The following CNTNAP2 variants were observed in gnomAD, a reference collection of about 807,000 sequenced individuals.
CNTNAP2 encodes contactin associated protein 2.
In CNTNAP2, 98 loss-of-function variants were observed where a neutral mutation model predicts 155.2. That is an observed-to-expected ratio of 0.63 (90% CI 0.54 to 0.75). The LOEUF (loss-of-function observed/expected upper bound fraction) is 0.75, where lower values mean the gene tolerates loss of function less well. CNTNAP2 is among the 30% of genes least tolerant of loss of function. CNTNAP2 has a pLI of 0.00. For synonymous variants in CNTNAP2, 651 were observed against 631.2 expected (o/e 1.03, Z -0.47); for missense variants, 1,727 against 1,688.1 (o/e 1.02, Z -0.40).
chr7:147,315,666 G>C (rs1795215830), intron 9 of CNTNAP2, among the ~76,000 whole-genome samples: 1 of 151,812 alleles, frequency 6.6e-6, no homozygotes, highest in Non-Finnish European at 1.5e-5. Flanking sequence ...ATTTTTAGTA[G>C]AGATGGCGTT....
intron 17 of CNTNAP2, among the ~76,000 whole-genome samples, chr7:148,159,068 G>A (rs1018213809): frequency 1.1e-4 from 17 of 152,270 alleles, no homozygotes; most frequent in South Asian, 8.3e-4. Flanking sequence ...AAACAGGGTC[G>A]TTTCCCATCA....
intron 1 of CNTNAP2, among the ~76,000 whole-genome samples, chr7:146,358,069 C>T (rs1014038693): frequency 1.3e-5 from 2 of 151,698 alleles, no homozygotes; most frequent in Non-Finnish European, 2.9e-5. Flanking sequence ...GAGCCTCGCT[C>T]GCTTGCCCAG....
chr7:148,134,929 C>CT (rs952807609), intron 16 of CNTNAP2, among the ~76,000 whole-genome samples: 25 of 151,216 alleles, frequency 1.7e-4, no homozygotes, highest in South Asian at 1.3e-3. Flanking sequence ...TTTATATATA[C>CT]TTTTTTTTTA....
intron 13 of CNTNAP2, among the ~76,000 whole-genome samples, chr7:147,765,739 A>G (rs1797373002): frequency 6.6e-6 from 1 of 152,224 alleles, no homozygotes; most frequent in Non-Finnish European, 1.5e-5. Flanking sequence ...GTGTTTACCC[A>G]AAAGAAATGA....
intron 15 of CNTNAP2, among the ~76,000 whole-genome samples, chr7:147,979,195 C>A (rs13229141): frequency 1.3e-5 from 2 of 151,956 alleles, no homozygotes; most frequent in African/African-American, 4.8e-5. Context: ...TCTCTACTTA[C>A]ATTGAAAATG....
chr7:148,313,430 T>G (rs1337455479), intron 21 of CNTNAP2, among the ~76,000 whole-genome samples: 1 of 151,270 alleles, frequency 6.6e-6, no homozygotes, highest in African/African-American at 2.4e-5. Context: ...TTCAGTGGGG[T>G]CCCGCACAGA....
chr7:147,029,483 G>A (rs1434555632), intron 3 of CNTNAP2, among the ~76,000 whole-genome samples: 3 of 151,538 alleles, frequency 2.0e-5, no homozygotes, highest in African/African-American at 7.3e-5. Flanking sequence ...ATCTATTAGA[G>A]AAGTTTTGCA....
At chr7:146,587,575 A>T (rs347176) in intron 1 of CNTNAP2, among the ~76,000 whole-genome samples, 3 of 152,118 alleles carry the variant, frequency 2.0e-5, no homozygotes, top group African/African-American at 7.2e-5. Context: ...AAACACACAC[A>T]TACAAATGTC....
chr7:147,100,874 A>G (rs980584916), intron 4 of CNTNAP2, among the ~76,000 whole-genome samples: 4 of 152,220 alleles, frequency 2.6e-5, no homozygotes, highest in African/African-American at 9.7e-5. Flanking sequence ...TCCACAGGAA[A>G]AATCACGCCC....
At chr7:147,221,725 A>G (rs2116595503) in intron 8 of CNTNAP2, among the ~76,000 whole-genome samples, 1 of 152,212 alleles carries the variant, frequency 6.6e-6, no homozygotes, top group Non-Finnish European at 1.5e-5. Flanking sequence ...GACCTATATC[A>G]TTTTCCTTGT....
At chr7:146,586,919 A>G (rs1308180109) in intron 1 of CNTNAP2, among the ~76,000 whole-genome samples, 2 of 152,204 alleles carry the variant, frequency 1.3e-5, no homozygotes, top group African/African-American at 4.8e-5. Flanking sequence ...GCTATGAACA[A>G]AATCTTATTT....
chr7:147,963,196 G>T (rs373678992), intron 14 of CNTNAP2, among the ~76,000 whole-genome samples: 13 of 151,900 alleles, frequency 8.6e-5, no homozygotes, highest in East Asian at 1.9e-4. Flanking sequence ...TTTTTTGTTG[G>T]TCAAATGACT....
At chr7:148,031,338 C>G (rs1419845698) in intron 15 of CNTNAP2, among the ~76,000 whole-genome samples, 1 of 152,120 alleles carries the variant, frequency 6.6e-6, no homozygotes, top group Non-Finnish European at 1.5e-5. Flanking sequence ...AGTCAAAGGC[C>G]TAGAGTCAGG....
chr7:146,881,324 C>T (rs1044570963), intron 3 of CNTNAP2, among the ~76,000 whole-genome samples: 17 of 152,224 alleles, frequency 1.1e-4, no homozygotes, highest in African/African-American at 3.4e-4. Context: ...ATTGGATGAT[C>T]TCTAATTTTT....
chr7:147,596,087 G>A (rs896791319), intron 12 of CNTNAP2, among the ~76,000 whole-genome samples: 8 of 151,998 alleles, frequency 5.3e-5, no homozygotes, highest in East Asian at 3.9e-4. Flanking sequence ...TTTACCAGGC[G>A]TCAGCATTTA....
intron 8 of CNTNAP2, among the ~76,000 whole-genome samples, chr7:147,273,394 T>C (rs894912381): frequency 6.6e-6 from 1 of 152,274 alleles, no homozygotes; most frequent in Admixed American, 6.5e-5. Flanking sequence ...AGGGTACATG[T>C]GCAGGCTTGT....
At chr7:146,788,866 C>T (rs554848097) in intron 2 of CNTNAP2, among the ~76,000 whole-genome samples, 1 of 152,104 alleles carries the variant, frequency 6.6e-6, no homozygotes, top group East Asian at 1.9e-4. Flanking sequence ...TCGTCTATCT[C>T]TATCTCAGAA....
intron 8 of CNTNAP2, among the ~76,000 whole-genome samples, chr7:147,290,575 C>T (rs973860235): frequency 2.7e-5 from 4 of 148,812 alleles, no homozygotes; most frequent in African/African-American, 4.9e-5. Context: ...CCCAGCTACT[C>T]GGGAGGTTGA....
intron 3 of CNTNAP2, among the ~76,000 whole-genome samples, chr7:147,010,265 C>T (rs1166315120): frequency 3.3e-5 from 5 of 152,070 alleles, no homozygotes; most frequent in Non-Finnish European, 5.9e-5. Flanking sequence ...TCACCTCAGC[C>T]TCCCAAAGTG....
Sources: allele counts gnomAD v4.1 joint callset (sites outside exome capture counted in the v4.1 genomes callset), GRCh38; gene constraint gnomAD v4.1.1; transcripts MANE v1.5; gene names NCBI Gene and HGNC (gene_info 2026-07-23, HGNC 2026-07-21).